Variants in CADPS observed in about 807,000 individuals in gnomAD.
The protein encoded by CADPS is calcium dependent secretion activator.
A neutral mutation model predicts 167.3 loss-of-function variants in CADPS; 57 were observed. The observed-to-expected ratio is 0.34, with a 90% CI of 0.28 to 0.42. The LOEUF (loss-of-function observed/expected upper bound fraction) is 0.42. Among genes scored for constraint, CADPS ranks in the 20% least tolerant of loss-of-function variants. The pLI, the probability that CADPS is intolerant of heterozygous loss-of-function variation, is 1.00. For synonymous variants in CADPS, 676 were observed against 635.3 expected (o/e 1.06, Z -0.96); for missense variants, 1,414 against 1,738.1 (o/e 0.81, Z 3.32).
At chr3:62,551,404 C>T (rs1268116778) in intron 10 of CADPS, among the ~76,000 whole-genome samples, 4 of 152,196 alleles carry the variant, frequency 2.6e-5, no homozygotes, top group Non-Finnish European at 4.4e-5. Context: ...CAGTTGCGGC[C>T]ATCATAAATG....
chr3:62,428,505 C>A (rs746999064), intron 28 of CADPS, among the ~76,000 whole-genome samples: 5 of 151,916 alleles, frequency 3.3e-5, no homozygotes, highest in Non-Finnish European at 7.4e-5. Flanking sequence ...GTCTAACAAG[C>A]TTTTCCCATC....
At chr3:62,515,995 A>C in intron 16 of CADPS, 64 bp downstream of exon 16, 1 of 1,598,706 alleles carries the variant, frequency 6.3e-7, no homozygotes, top group Non-Finnish European at 8.6e-7. Flanking sequence ...AGAAAAGAGA[A>C]AGACTTCCCC....
chr3:62,652,406 A>C (rs1359507154), intron 4 of CADPS, among the ~76,000 whole-genome samples: 5,666 of 148,352 alleles, frequency 0.038, 108 homozygotes, highest in Admixed American at 0.078. Context: ...GGCCAAAAAA[A>C]AAAAAAAAAA....
At chr3:62,763,350 GA>G (rs2086010114) in intron 2 of CADPS, among the ~76,000 whole-genome samples, 1 of 152,220 alleles carries the variant, frequency 6.6e-6, no homozygotes, top group Non-Finnish European at 1.5e-5. Flanking sequence ...AGCTGACCAA[GA>G]AGGAAGTCAA....
Position 62,755,678 on chromosome 3 carries a change from G to C in CADPS, c.556-1905C>G, listed in dbSNP as rs1286645355. 2.0e-5 allele frequency among the ~76,000 whole-genome samples: 3 copies of C among 152,176 alleles called. No homozygotes were observed. In the East Asian group the frequency reaches 5.8e-4, roughly 29 times the overall value. On this transcript the variant is annotated intron_variant, in intron 2 of 29. Transcript: ENST00000383710. Reference sequence around the variant, plus strand: ...ATTTAGAAAGGATGGCTGAGGGTTTGCCTCACAGGGTAGAGGCCATGGCCT... The same window carrying C: ...ATTTAGAAAGGATGGCTGAGGGTTTCCCTCACAGGGTAGAGGCCATGGCCT...
chr3:62,405,159 A>T (rs929170353), intron 28 of CADPS, among the ~76,000 whole-genome samples: 7 of 146,748 alleles, frequency 4.8e-5, no homozygotes, highest in African/African-American at 1.6e-4. Flanking sequence ...GGCTCAACAG[A>T]TCTATTTTGA....
intron 7 of CADPS, among the ~76,000 whole-genome samples, chr3:62,592,005 C>CT (rs1339273506): frequency 6.6e-6 from 1 of 152,086 alleles, no homozygotes; most frequent in Non-Finnish European, 1.5e-5. Flanking sequence ...AAATCAAAGT[C>CT]TTTTTGGCAC....
chr3:62,473,694 CT>C lies in CADPS; in HGVS notation c.3477+478del, dbSNP rs1200271307. On this transcript the variant is annotated intron_variant, in intron 24 of 29. Coordinates refer to ENST00000383710, the MANE Select transcript of CADPS (RefSeq NM_003716.4). The stretch of plus-strand genomic sequence containing the variant: ...ATTGAAAGTCTGCAATTTTTTTTTT[CT>C]TTTTTTTTTTTGGAAATTCAGAACC... 1,106 of 139,804 alleles carry C rather than the reference CT, an allele frequency of 7.9e-3. 5 individuals are homozygous for C. The highest frequency in any genetic ancestry group is 0.024 in the African/African-American group (935 of 38,266). The allele number at this position is 139,804 out of a possible 1,614,324, so 8.7% of individuals were successfully genotyped here.
intron 26 of CADPS, among the ~76,000 whole-genome samples, chr3:62,460,777 G>T (rs1459618939): frequency 6.6e-6 from 1 of 152,110 alleles, no homozygotes; most frequent in African/African-American, 2.4e-5. Flanking sequence ...CAAAATGCTG[G>T]CAAAAGGAAA....
At chr3:62,603,927 T>G (rs906686703) in intron 6 of CADPS, among the ~76,000 whole-genome samples, 1 of 151,792 alleles carries the variant, frequency 6.6e-6, no homozygotes. Flanking sequence ...CCCGGGTTCA[T>G]GCCATTCTCC....
chr3:62,753,109 C>A lies in CADPS; in HGVS notation c.888+332G>T, dbSNP rs2083061538. ...CAACTGGCAAACACCAAAGGCAGAA[C>A]CATATTTTTTAAAAAATTGATTTTT... On this transcript the variant is annotated intron_variant, in intron 3 of 29. Transcript: ENST00000383710. This position sits in a 1 kb window ranked among gnomAD's most constrained non-coding sequence, Gnocchi z 4.6. Among the ~76,000 whole-genome samples the A allele has an allele frequency of 6.6e-6, 1 of 152,160 alleles. No individual in the cohort carries two copies. The highest frequency in any genetic ancestry group is 6.5e-5 in the Admixed American group (1 of 15,268).
intron 6 of CADPS, chr3:62,625,719 C>T (rs2063950245): frequency 6.6e-6 from 1 of 150,814 alleles, no homozygotes; most frequent in Admixed American, 6.6e-5. Context: ...CTTCGTTTTG[C>T]TGGAATGCCC....
At chr3:62,680,920 C>T (rs2077060705) in intron 3 of CADPS, among the ~76,000 whole-genome samples, 1 of 151,948 alleles carries the variant, frequency 6.6e-6, no homozygotes, top group African/African-American at 2.4e-5. Context: ...ATGAGGCAAT[C>T]TTTAGAAATG....
At chr3:62,610,751 T>A (rs1405366398) in intron 6 of CADPS, among the ~76,000 whole-genome samples, 1 of 152,074 alleles carries the variant, frequency 6.6e-6, no homozygotes, top group African/African-American at 2.4e-5. Context: ...CTTCTGGCTC[T>A]CCCCTGTCTC....
At chr3:62,594,148 T>A (rs533525792) in intron 6 of CADPS, among the ~76,000 whole-genome samples, 132 of 145,148 alleles carry the variant, frequency 9.1e-4, no homozygotes, top group Middle Eastern at 3.7e-3. Context: ...TATTTATTTT[T>A]TTTATTTTTT....
chr3:62,629,786 T>C (rs2064933662), intron 6 of CADPS, among the ~76,000 whole-genome samples: 2 of 152,106 alleles, frequency 1.3e-5, no homozygotes, highest in Non-Finnish European at 2.9e-5. Flanking sequence ...GTTTGTTTTT[T>C]TCCTGTCCCT....
rs527449530 is a variant in CADPS, at chr3:62,632,771, C to T, written c.1325+12951G>A. On this transcript the variant is annotated intron_variant, in intron 6 of 29. Coordinates refer to ENST00000383710, the MANE Select transcript of CADPS (RefSeq NM_003716.4). ...TGAAATCTAGAAGGGGAAGGGAATG[C>T]GTTTATTTTTTTTGGTTAGGTGTCA... Among the ~76,000 whole-genome samples the T allele has an allele frequency of 3.9e-5, 6 of 152,120 alleles. No homozygotes were observed. In the South Asian group the frequency reaches 1.0e-3, roughly 26 times the overall value.
intron 1 of CADPS, among the ~76,000 whole-genome samples, chr3:62,824,734 C>T (rs1019677408): frequency 5.9e-5 from 9 of 152,108 alleles, no homozygotes; most frequent in Non-Finnish European, 8.8e-5. Context: ...TCTTCCATTA[C>T]GAACTGCTGT....
At chr3:62,439,209 T>C (rs1576062194) in intron 27 of CADPS, 2 of 152,218 alleles carry the variant, frequency 1.3e-5, no homozygotes, top group Non-Finnish European at 2.9e-5. Context: ...CAAAGTATCA[T>C]TTCTCTACTA....
Sources: gnomAD v4.1 joint callset for allele counts (sites outside exome capture counted in the v4.1 genomes callset) on GRCh38, gnomAD v4.1.1 for gene constraint, Gnocchi (gnomAD v3.1) non-coding constraint, MANE v1.5 for transcripts, NCBI Gene and HGNC (gene_info 2026-07-23, HGNC 2026-07-21) for gene names.